Variants in LRRK1 observed in about 807,000 individuals in gnomAD.
LRRK1 encodes leucine rich repeat kinase 1, also known as leucine-rich repeat serine/threonine-protein kinase 1.
A neutral mutation model predicts 209.1 loss-of-function variants in LRRK1; 113 were observed. That is an observed-to-expected ratio of 0.54 (90% CI 0.46 to 0.63). The LOEUF (loss-of-function observed/expected upper bound fraction) is 0.63. Among genes scored for constraint, LRRK1 ranks in the 30% least tolerant of loss-of-function variants. The pLI is 0.00. For missense variants in LRRK1, 2,284 were observed against 2,632.2 expected (o/e 0.87, Z 2.89); for synonymous variants, 1,144 against 1,099.7 (o/e 1.04, Z -0.80).
chr15:101,034,304 G>A (rs1010676507), intron 20 of LRRK1, among the ~76,000 whole-genome samples: 11 of 151,994 alleles, frequency 7.2e-5, no homozygotes, highest in Non-Finnish European at 1.6e-4. Flanking sequence ...TTGTGTTTTC[G>A]AGGTCTTAGC....
chr15:100,989,636 C>G (rs2032052063), intron 6 of LRRK1: 1 of 581,570 alleles, frequency 1.7e-6, no homozygotes, highest in Admixed American at 3.1e-5. Flanking sequence ...TAACAACCCA[C>G]CCTCAAAATA....
Position 101,027,547 on chromosome 15 carries a change from C to A in LRRK1, c.2527-91C>A. 1 of 1,531,958 alleles carries A rather than the reference C, an allele frequency of 6.5e-7. No homozygotes were observed. Among genetic ancestry groups the A allele is most frequent in the East Asian group, 2.4e-5 (1 of 42,110 alleles). 94.9% of individuals were successfully genotyped at this position (1,531,958 alleles called of 1,614,324 possible). ...GATAGTGGGTGGAAACGTCCCACCC[C>A]CTCAGGCCACAGGGGCCGGGCAGGA... On this transcript the variant is annotated intron_variant, in intron 18 of 33. Transcript: ENST00000388948. This position sits in a 1 kb window ranked among gnomAD's most constrained non-coding sequence, Gnocchi z 5.1.
In LRRK1 at chr15:100,983,519, T is replaced by C; in HGVS notation, c.262-9T>C. The stretch of plus-strand genomic sequence containing the variant: ...CAGTCTCACTGGAGCCCTGTTCTGT[T>C]TTGACCAGGGCCAGCTTCTGAGCAT... On this transcript the variant is annotated splice_polypyrimidine_tract_variant and intron_variant, in intron 3 of 33. Transcript: ENST00000388948. 1 of 1,583,888 alleles carries C rather than the reference T, an allele frequency of 6.3e-7. No homozygotes were observed. Among genetic ancestry groups the C allele is most frequent in the Non-Finnish European group, 8.6e-7 (1 of 1,163,210 alleles).
intron 2 of LRRK1, among the ~76,000 whole-genome samples, chr15:100,941,426 G>GTGTCTGTGTC (rs1567191056): frequency 0.011 from 173 of 16,080 alleles, 26 homozygotes; most frequent in African/African-American, 0.024. Context: ...GTGTGTGTGT[G>GTGTCTGTGTC]TCTGTGTGTG....
At position 101,021,888 on chromosome 15, in the gene LRRK1, G is replaced by A. The variant is rs1251231353; in HGVS notation, c.1783G>A (p.Gly595Ser). The change falls in exon 14 of 34, where the codon GGC becomes AGC. Residue 595 changes from glycine (G) to serine (S), a missense_variant. Around this residue, in one of 6 missense-constraint regions of LRRK1, gnomAD observed 494 missense variants for 522.1 expected, o/e 0.95. Coordinates refer to ENST00000388948, the MANE Select transcript of LRRK1 (RefSeq NM_024652.6). ...GCTCCCTCCTGAGCTGGGGCAGCTG[G>A]GCAACCTCTGGCAGCTGGACACTGA... ...RELPPELGQL[G>S]NLWQLDTEDL... 5 of 1,613,822 alleles carry A rather than the reference G, an allele frequency of 3.1e-6. No individual in the cohort carries two copies. Among genetic ancestry groups the A allele is most frequent in the African/African-American group, 2.7e-5 (2 of 74,804 alleles).
intron 24 of LRRK1, 37 bp from the exon 25 acceptor site, chr15:101,052,885 C>CG (rs573801160): frequency 3.1e-5 from 50 of 1,591,938 alleles, no homozygotes; most frequent in Middle Eastern, 3.3e-4. Flanking sequence ...CGCATCAGGG[C>CG]GGGGGGGATG....
In LRRK1 at chr15:101,053,250, C is replaced by T. The variant is rs1310793939; in HGVS notation, c.3884C>T (p.Thr1295Ile). Residue 1295 changes from threonine (T) to isoleucine (I), a missense_variant, in exon 26 of 34, where the codon ACC becomes ATC. Physicochemically the swap from Thr to Ile is moderately conservative, Grantham distance 89. Coordinates refer to ENST00000388948, the MANE Select transcript of LRRK1 (RefSeq NM_024652.6). ...ACCATGCTGAGGCACCTGCGGGCCA[C>T]CGATGCCATGAAGAACTTCTCCGAG... is the stretch of plus-strand genomic sequence containing the variant. ...ADTMLRHLRA[T>I]DAMKNFSEFR... 6.2e-7 allele frequency: 1 copy of T among 1,606,622 alleles called. No homozygotes were observed. The highest frequency in any genetic ancestry group is 8.5e-7 in the Non-Finnish European group (1 of 1,179,948).
chr15:101,049,749 C>G lies in LRRK1; in HGVS notation c.3405C>G (p.Asp1135Glu). ...RDFSAMAFITDHVNSLIDQWF... is the reference protein window; with the variant it reads ...RDFSAMAFITEHVNSLIDQWF... The stretch of plus-strand genomic sequence containing the variant: ...TCTCAGCCATGGCTTTCATCACGGA[C>G]CACGTCAATTCCTTGATTGATCAGT... The change falls in exon 23 of 34, where the codon GAC becomes GAG. Residue 1135 changes from aspartate (D) to glutamate (E), a missense_variant. Around this residue, in one of 6 missense-constraint regions of LRRK1, gnomAD observed 780 missense variants for 985.2 expected, o/e 0.79. Coordinates refer to ENST00000388948, the MANE Select transcript of LRRK1 (RefSeq NM_024652.6). 1 of 1,613,984 alleles carries G rather than the reference C, an allele frequency of 6.2e-7. No homozygotes were observed. Among genetic ancestry groups the G allele is most frequent in the Non-Finnish European group, 8.5e-7 (1 of 1,179,912 alleles).
intron 22 of LRRK1, chr15:101,049,408 C>T (rs140988238): frequency 6.6e-6 from 3 of 455,330 alleles, no homozygotes; most frequent in African/African-American, 4.0e-5. Context: ...AGCTCCCAGG[C>T]TGAGCGTCCC....
chr15:100,924,773 C>A (rs1278954617), intron 2 of LRRK1, 44 bp downstream of exon 2: 4 of 1,434,758 alleles, frequency 2.8e-6, no homozygotes, highest in Non-Finnish European at 3.9e-6. Context: ...TGTGACCTGC[C>A]ATGCTCATCC....
chr15:100,963,392 G>A (rs971111755), intron 2 of LRRK1, among the ~76,000 whole-genome samples: 7 of 152,188 alleles, frequency 4.6e-5, no homozygotes, highest in African/African-American at 1.7e-4. Context: ...CGTTGCCAGC[G>A]CTGTTGTTCT....
intron 2 of LRRK1, among the ~76,000 whole-genome samples, chr15:100,941,159 CAT>C (rs2042393664): frequency 6.9e-6 from 1 of 144,018 alleles, no homozygotes; most frequent in Non-Finnish European, 1.5e-5. Flanking sequence ...TGTGTGTCTG[CAT>C]ATCTATGTGT....
chr15:101,059,644 T>C (rs2036041164), intron 29 of LRRK1, among the ~76,000 whole-genome samples: 1 of 150,238 alleles, frequency 6.7e-6, no homozygotes, highest in African/African-American at 2.5e-5. Context: ...GTCGGGTAAG[T>C]AAAAGCCTGC....
chr15:101,013,423 G>A (rs1306845249), intron 10 of LRRK1, among the ~76,000 whole-genome samples: 1 of 152,074 alleles, frequency 6.6e-6, no homozygotes, highest in African/African-American at 2.4e-5. Context: ...GCATGTCTAA[G>A]GTACTCCTGC....
Position 100,973,732 on chromosome 15 carries a change from T to G in LRRK1, c.98-72T>G, listed in dbSNP as rs941315880. The stretch of plus-strand genomic sequence containing the variant: ...ACGGGCCGCGCCGCCTCCTGCTGTG[T>G]TCCACGGTGATTCTCAAGAGCACGC... On this transcript the variant is annotated intron_variant, in intron 2 of 33. Coordinates refer to ENST00000388948, the MANE Select transcript of LRRK1 (RefSeq NM_024652.6). 183 of 1,236,472 alleles carry G rather than the reference T, an allele frequency of 1.5e-4. No individual in the cohort carries two copies. The African/African-American group carries it at 2.5e-3, about 17-fold the overall frequency. 76.6% of individuals were successfully genotyped at this position (1,236,472 alleles called of 1,614,324 possible).
intron 2 of LRRK1, among the ~76,000 whole-genome samples, chr15:100,941,234 CTG>C (rs201161852): frequency 7.8e-6 from 1 of 127,440 alleles, no homozygotes; most frequent in Non-Finnish European, 1.7e-5. Context: ...GTGTGTGTGT[CTG>C]TGTGTGTCTG....
Position 101,061,158 on chromosome 15 carries a change from C to T in LRRK1, c.4680-13C>T. ...CCCCCGGGCACTGACAGCACAGTTT[C>T]TGCCACTTACAGGAACTACACGGTG... On this transcript the variant is annotated splice_polypyrimidine_tract_variant and intron_variant, in intron 29 of 33. Transcript: ENST00000388948. 1.3e-6 allele frequency: 2 copies of T among 1,578,728 alleles called. No homozygotes were observed. Among genetic ancestry groups the T allele is most frequent in the South Asian group, 2.2e-5 (2 of 89,820 alleles).
intron 33 of LRRK1, among the ~76,000 whole-genome samples, chr15:101,067,973 G>T (rs901625391): frequency 6.6e-6 from 1 of 152,232 alleles, no homozygotes; most frequent in African/African-American, 2.4e-5. Flanking sequence ...GCCACGCGGA[G>T]TGAGAGGTCC....
At chr15:100,948,774 C>A (rs554501494) in intron 2 of LRRK1, among the ~76,000 whole-genome samples, 2 of 151,988 alleles carry the variant, frequency 1.3e-5, no homozygotes, top group East Asian at 3.9e-4. Context: ...TATTAAAGAA[C>A]GAATGTGTTA....
Sources: gnomAD v4.1 joint callset for allele counts (sites outside exome capture counted in the v4.1 genomes callset) on GRCh38, gnomAD v4.1.1 for gene constraint, gnomAD v4.1.1 regional missense constraint, Gnocchi (gnomAD v3.1) non-coding constraint, MANE v1.5 for transcripts, NCBI Gene and HGNC (gene_info 2026-07-23, HGNC 2026-07-21) for gene names.